Variants in DDX4 observed in about 807,000 individuals in gnomAD.
DDX4 encodes the protein probable ATP-dependent RNA helicase DDX4.
DDX4 carries 25 observed loss-of-function variants against 100.0 expected under a neutral mutation model. The observed-to-expected ratio is 0.25, with a 90% CI of 0.18 to 0.35. DDX4 has a LOEUF of 0.35. Among genes scored for constraint, DDX4 ranks in the 10% least tolerant of loss-of-function variants. DDX4 has a pLI of 1.00. For missense variants in DDX4, 635 were observed against 882.4 expected (o/e 0.72, Z 3.55); for synonymous variants, 259 against 275.7 (o/e 0.94, Z 0.60).
intron 18 of DDX4, among the ~76,000 whole-genome samples, chr5:55,799,766 A>G (rs1353374342): frequency 6.6e-6 from 1 of 152,154 alleles, no homozygotes; most frequent in Non-Finnish European, 1.5e-5. Context: ...GTTCATTTTA[A>G]TACCTTCTCA....
At position 55,785,280 on chromosome 5, in the gene DDX4, A is replaced by G. The variant is rs116312784; in HGVS notation, c.626-17A>G. The G allele has an allele frequency of 3.7e-4, 577 of 1,558,582 alleles. No homozygotes were observed. The African/African-American group carries it at 6.3e-3, about 17-fold the overall frequency. On this transcript the variant is annotated splice_polypyrimidine_tract_variant and intron_variant, in intron 10 of 21. Transcript: ENST00000505374. ...CTTACATCTTGACCGATTGTCACTT[A>G]TGAATTTCTTTAATAGGTGGTTACA... is the stretch of plus-strand genomic sequence containing the variant.
intron 17 of DDX4, among the ~76,000 whole-genome samples, chr5:55,796,336 A>G (rs1400700888): frequency 1.3e-5 from 2 of 152,166 alleles, no homozygotes; most frequent in African/African-American, 4.8e-5. Context: ...AATATTAACC[A>G]TTACGGTAGT....
Position 55,755,995 on chromosome 5 carries a change from A to T in DDX4, c.128-4205A>T, listed in dbSNP as rs187336397. ...AATGGCAGTCATATAAAATGGCGTC[A>T]TACATTGTGTTCTTTTTTTGTTGAG... is the stretch of plus-strand genomic sequence containing the variant. On this transcript the variant is annotated intron_variant, in intron 3 of 21. Coordinates refer to ENST00000505374, the MANE Select transcript of DDX4 (RefSeq NM_024415.3). 9.7e-4 allele frequency among the ~76,000 whole-genome samples: 147 copies of T among 152,304 alleles called. No homozygotes were observed. In the Middle Eastern group the frequency reaches 0.01, roughly 11 times the overall value.
chr5:55,778,382 A>G (rs1741701503), intron 7 of DDX4, among the ~76,000 whole-genome samples: 1 of 152,222 alleles, frequency 6.6e-6, no homozygotes, highest in African/African-American at 2.4e-5. Context: ...ATCTAGTAGG[A>G]CAGAACTTTG....
chr5:55,757,243 G>A (rs1279193439), intron 3 of DDX4, among the ~76,000 whole-genome samples: 5 of 152,150 alleles, frequency 3.3e-5, no homozygotes, highest in Non-Finnish European at 7.4e-5. Context: ...CCAATTTGTA[G>A]TCTTTTATCC....
intron 18 of DDX4, among the ~76,000 whole-genome samples, chr5:55,799,472 C>G (rs539150509): frequency 2.0e-5 from 3 of 152,262 alleles, no homozygotes; most frequent in Non-Finnish European, 2.9e-5. Flanking sequence ...AGCTCCCAGG[C>G]TCAAGCAGTT....
chr5:55,762,192 G>T (rs1335728236), intron 4 of DDX4, among the ~76,000 whole-genome samples: 1 of 151,986 alleles, frequency 6.6e-6, no homozygotes, highest in Non-Finnish European at 1.5e-5. Flanking sequence ...CAGTATATAG[G>T]GATCACAGGG....
intron 5 of DDX4, 42 bp downstream of exon 5, chr5:55,763,294 G>T: frequency 8.0e-7 from 1 of 1,252,574 alleles, no homozygotes; most frequent in South Asian, 1.2e-5. Flanking sequence ...AAACTTGAGT[G>T]ATTTTTTAAT....
chr5:55,768,194 C>T (rs62361892), intron 7 of DDX4: 127,945 of 446,620 alleles, frequency 0.29, 19,962 homozygotes, highest in Admixed American at 0.46. Flanking sequence ...AAATTGCATG[C>T]CATGGGGTTT....
At chr5:55,800,153 A>G (rs1306570049) in intron 18 of DDX4, among the ~76,000 whole-genome samples, 1 of 152,102 alleles carries the variant, frequency 6.6e-6, no homozygotes, top group Non-Finnish European at 1.5e-5. Flanking sequence ...TTAATTCCCA[A>G]AACAACCTTA....
intron 18 of DDX4, among the ~76,000 whole-genome samples, chr5:55,804,749 G>A (rs1337811209): frequency 1.3e-5 from 2 of 152,082 alleles, no homozygotes; most frequent in Admixed American, 1.3e-4. Context: ...TTTGAAGTCA[G>A]GTAGTGTGAT....
intron 18 of DDX4, among the ~76,000 whole-genome samples, chr5:55,808,828 T>A (rs1216536355): frequency 6.6e-6 from 1 of 152,188 alleles, no homozygotes; most frequent in Non-Finnish European, 1.5e-5. Flanking sequence ...GGAGAACCAC[T>A]ACTCTCTTCA....
Position 55,817,114 on chromosome 5 carries a change from C to T in DDX4, c.*574C>T, listed in dbSNP as rs1011022226. ...TTTATTTTTATAATATACAATCTTT[C>T]CTTGAAATAAAGGATGAAACACTTT... On this transcript the variant is annotated 3_prime_UTR_variant, in exon 22 of 22. Coordinates refer to ENST00000505374, the MANE Select transcript of DDX4 (RefSeq NM_024415.3). The T allele has an allele frequency of 1.3e-5, 2 of 152,142 alleles. No individual in the cohort carries two copies. The highest frequency in any genetic ancestry group is 2.9e-5 in the Non-Finnish European group (2 of 68,024). The allele number at this position is 152,142 out of a possible 1,614,324, so 9.4% of individuals were successfully genotyped here.
At chr5:55,807,959 CAGATGT>C (rs1743856789) in intron 18 of DDX4, among the ~76,000 whole-genome samples, 2 of 152,214 alleles carry the variant, frequency 1.3e-5, no homozygotes, top group Non-Finnish European at 2.9e-5. Flanking sequence ...GTACACCAAT[CAGATGT>C]AGATATGGTC....
intron 14 of DDX4, 68 bp from the exon 15 acceptor site, chr5:55,787,778 G>A: frequency 1.3e-6 from 2 of 1,537,124 alleles, no homozygotes; most frequent in South Asian, 2.6e-5. Flanking sequence ...AAGGACATGA[G>A]GATTAGCTTT....
intron 10 of DDX4, 88 bp from the exon 11 acceptor site, chr5:55,785,209 C>CT: frequency 1.2e-6 from 1 of 860,706 alleles, no homozygotes; most frequent in Non-Finnish European, 1.9e-6. Flanking sequence ...TTTTTTGGAA[C>CT]TTGTTCTCTT....
intron 15 of DDX4, among the ~76,000 whole-genome samples, chr5:55,789,393 C>A (rs980626639): frequency 7.9e-5 from 12 of 152,186 alleles, no homozygotes; most frequent in African/African-American, 2.7e-4. Flanking sequence ...TCAACCAATT[C>A]TGGTTTTATT....
chr5:55,785,378 A>G, intron 11 of DDX4, 34 bp downstream of exon 11: 11 of 1,587,126 alleles, frequency 6.9e-6, no homozygotes, highest in Non-Finnish European at 9.5e-6. Flanking sequence ...TTTGATTTTT[A>G]TAGTGAGAGT....
chr5:55,741,462 A>C (rs1229184268), intron 2 of DDX4, among the ~76,000 whole-genome samples: 3 of 152,200 alleles, frequency 2.0e-5, no homozygotes, highest in Non-Finnish European at 4.4e-5. Flanking sequence ...TGGTGCAATC[A>C]GGATCTTTAT....
Sources: allele counts gnomAD v4.1 joint callset (sites outside exome capture counted in the v4.1 genomes callset), GRCh38; gene constraint gnomAD v4.1.1; transcripts MANE v1.5; gene names NCBI Gene and HGNC (gene_info 2026-07-23, HGNC 2026-07-21).